The following BLTP1 variants were observed in gnomAD, a reference collection of about 807,000 sequenced individuals.
BLTP1 encodes bridge-like lipid transfer protein family member 1, also known as fragile site-associated protein.
the BLTP1 span, chr4:122,343,938 A>G: frequency 3.3e-6 from 3 of 911,590 alleles, no homozygotes; most frequent in Non-Finnish European, 3.9e-6. Context: ...CAAACTGCGT[A>G]GAAAGTAAAA....
chr4:122,335,059 A>C, the BLTP1 span, among the ~76,000 whole-genome samples: 1 of 151,844 alleles, frequency 6.6e-6, no homozygotes, highest in Non-Finnish European at 1.5e-5. Context: ...AGCCCCAGTC[A>C]AGTATTCAGA....
the BLTP1 span, among the ~76,000 whole-genome samples, chr4:122,357,874 A>G: frequency 6.6e-6 from 1 of 152,220 alleles, no homozygotes; most frequent in Non-Finnish European, 1.5e-5. Flanking sequence ...TTAAAAATAA[A>G]GATTATCAAA....
the BLTP1 span, among the ~76,000 whole-genome samples, chr4:122,339,570 A>G: frequency 6.6e-6 from 1 of 152,164 alleles, no homozygotes; most frequent in Non-Finnish European, 1.5e-5. Flanking sequence ...TGTTTTGAGT[A>G]TATTTCATGT....
chr4:122,259,018 G>T, the BLTP1 span, among the ~76,000 whole-genome samples: 1 of 152,024 alleles, frequency 6.6e-6, no homozygotes, highest in African/African-American at 2.4e-5. Flanking sequence ...TGTATCATCA[G>T]TAACTGCTGT....
chr4:122,302,220 T>C, the BLTP1 span: 1 of 958,974 alleles, frequency 1.0e-6, no homozygotes, highest in Non-Finnish European at 1.2e-6. Context: ...AAATGAAACA[T>C]AATGGGAAAA....
the BLTP1 span, chr4:122,273,303 AC>A: frequency 1.0e-6 from 1 of 983,850 alleles, no homozygotes; most frequent in Middle Eastern, 5.2e-4. Flanking sequence ...TACTCAAAAA[AC>A]TAATTTTAAA....
chr4:122,269,336 A>G, the BLTP1 span: 1 of 858,892 alleles, frequency 1.2e-6, no homozygotes, highest in Admixed American at 6.2e-5. Context: ...AAAACCATAT[A>G]ATACTACAAC....
chr4:122,204,768 T>G, the BLTP1 span: 4 of 562,302 alleles, frequency 7.1e-6, no homozygotes, highest in Non-Finnish European at 9.0e-6. Flanking sequence ...TTAGACGCTG[T>G]GCTAAAGACT....
the BLTP1 span, chr4:122,188,028 T>C: frequency 6.3e-7 from 1 of 1,586,680 alleles, no homozygotes; most frequent in Non-Finnish European, 8.6e-7. Flanking sequence ...AAAGGAAAGC[T>C]TGAAAATGTT....
the BLTP1 span, chr4:122,333,646 C>G: frequency 6.2e-7 from 1 of 1,602,560 alleles, no homozygotes; most frequent in Non-Finnish European, 8.5e-7. Context: ...GATCGAAGTT[C>G]CAGGAGCTTA....
the BLTP1 span, chr4:122,190,498 A>G: frequency 6.9e-6 from 6 of 868,030 alleles, no homozygotes; most frequent in Middle Eastern, 6.0e-4. Flanking sequence ...CCATCAGGAA[A>G]TGGTAAATGT....
At chr4:122,283,554 C>T in the BLTP1 span, among the ~76,000 whole-genome samples, 1 of 152,102 alleles carries the variant, frequency 6.6e-6, no homozygotes, top group Non-Finnish European at 1.5e-5. Context: ...CTTTGTTGCC[C>T]AGGCTGGAGG....
chr4:122,207,517 T>C, the BLTP1 span: 214 of 1,403,852 alleles, frequency 1.5e-4, no homozygotes, highest in African/African-American at 4.4e-4. Flanking sequence ...TTTTCTTCTT[T>C]TTTTTTTTTT....
chr4:122,170,948 C>T, the BLTP1 span, among the ~76,000 whole-genome samples: 17 of 152,148 alleles, frequency 1.1e-4, no homozygotes, highest in African/African-American at 3.1e-4. Flanking sequence ...GCTGCATTCT[C>T]ATCTGACTTA....
At chr4:122,208,047 C>G in the BLTP1 span, 57 of 985,044 alleles carry the variant, frequency 5.8e-5, no homozygotes, top group Non-Finnish European at 6.9e-5. Flanking sequence ...CTCTTATGTA[C>G]TTCTAAGCTC....
the BLTP1 span, among the ~76,000 whole-genome samples, chr4:122,337,534 C>T: frequency 6.6e-6 from 1 of 152,066 alleles, no homozygotes; most frequent in Non-Finnish European, 1.5e-5. Context: ...TCTATATTCA[C>T]TTTTCTACCA....
At chr4:122,172,690 T>C in the BLTP1 span, among the ~76,000 whole-genome samples, 1 of 152,226 alleles carries the variant, frequency 6.6e-6, no homozygotes, top group Non-Finnish European at 1.5e-5. Context: ...GGGAATGAAC[T>C]TGTGTATAGA....
chr4:122,199,999 C>T, the BLTP1 span: 83 of 976,280 alleles, frequency 8.5e-5, no homozygotes, highest in Non-Finnish European at 9.1e-5. Context: ...CTATCAGGGA[C>T]AACAACACTA....
the BLTP1 span, among the ~76,000 whole-genome samples, chr4:122,360,851 AGTTTC>A: frequency 6.6e-6 from 1 of 152,266 alleles, no homozygotes; most frequent in African/African-American, 2.4e-5. Flanking sequence ...AAATGAATTT[AGTTTC>A]AAGTGAGCAT....
Sources: gnomAD v4.1 joint callset for allele counts (sites outside exome capture counted in the v4.1 genomes callset) on GRCh38, gnomAD v4.1.1 for gene constraint, MANE v1.5 for transcripts, NCBI Gene and HGNC (gene_info 2026-07-23, HGNC 2026-07-21) for gene names.